TMX4: variants seen among roughly 807,000 people sequenced by gnomAD.
TMX4 encodes the protein thioredoxin-related transmembrane protein 4.
Under a neutral mutation model 33.3 loss-of-function variants are expected in TMX4, and 23 were observed. That is an observed-to-expected ratio of 0.69 (90% confidence interval 0.50 to 0.98). TMX4 has a LOEUF of 0.98. Among genes scored for constraint, TMX4 ranks in the 50% least tolerant of loss-of-function variants. The pLI is 0.00. For synonymous variants in TMX4, 164 were observed against 161.5 expected (o/e 1.02, Z -0.12); for missense variants, 399 against 448.9 (o/e 0.89, Z 1.01).
At chr20:8,010,172 T>G (rs978621698) in intron 2 of TMX4, 28 bp downstream of exon 2, 7 of 1,576,398 alleles carry the variant, frequency 4.4e-6, no homozygotes, top group Non-Finnish European at 6.1e-6. Context: ...GGTAAACTTT[T>G]GCATTTTATG....
At chr20:8,011,010 C>T (rs940966693) in intron 1 of TMX4, among the ~76,000 whole-genome samples, 7 of 152,016 alleles carry the variant, frequency 4.6e-5, no homozygotes, top group African/African-American at 1.4e-4. Context: ...TCCTTGTGGA[C>T]GGTACAATCC....
chr20:7,989,158 A>C (rs2050643431), intron 5 of TMX4, among the ~76,000 whole-genome samples: 1 of 152,204 alleles, frequency 6.6e-6, no homozygotes, highest in African/African-American at 2.4e-5. Flanking sequence ...CTACTTTAGA[A>C]AATACTGTGT....
At chr20:7,984,714 TC>T (rs1421649770) in intron 6 of TMX4, among the ~76,000 whole-genome samples, 1 of 152,182 alleles carries the variant, frequency 6.6e-6, no homozygotes, top group Non-Finnish European at 1.5e-5. Flanking sequence ...AGTATAATGA[TC>T]AAATCAGTGT....
intron 6 of TMX4, 25 bp from the exon 7 acceptor site, chr20:7,983,882 A>G: frequency 6.3e-7 from 1 of 1,592,194 alleles, no homozygotes; most frequent in Non-Finnish European, 8.6e-7. Flanking sequence ...GTGATTTTAC[A>G]GTGAATAGAT....
In TMX4 at chr20:7,985,277, ATTTTTT is replaced by A. The variant is rs1214396295; in HGVS notation, c.616-1426_616-1421del. On this transcript the variant is annotated intron_variant, in intron 6 of 7. Coordinates refer to ENST00000246024, the MANE Select transcript of TMX4 (RefSeq NM_021156.4). ...TGTGTGTATATATATATATATATAT[ATTTTTT>A]TTTTTTTTGAGACAGGGTCTAGCTC... Among the ~76,000 whole-genome samples, 16 of 110,534 alleles carry A rather than the reference ATTTTTT, an allele frequency of 1.4e-4. No individual in the cohort carries two copies. The East Asian group carries it at 1.6e-3, about 11-fold the overall frequency. The allele number at this position is 110,534 out of a possible 152,430, so 72.5% of individuals were successfully genotyped here.
chr20:7,983,705 C>A (rs763339871), intron 7 of TMX4, 89 bp downstream of exon 7: 18 of 983,702 alleles, frequency 1.8e-5, no homozygotes, highest in Non-Finnish European at 2.3e-5. Flanking sequence ...TAGTAAATCA[C>A]AGAGAAAACC....
At chr20:8,007,996 A>G (rs1397118637) in intron 2 of TMX4, among the ~76,000 whole-genome samples, 1 of 152,236 alleles carries the variant, frequency 6.6e-6, no homozygotes, top group African/African-American at 2.4e-5. Flanking sequence ...TCACCTTTGT[A>G]TCACTGGTAT....
rs1356516478 is a variant in TMX4, at chr20:7,977,535, T to C, written c.*4716A>G. On this transcript the variant is annotated 3_prime_UTR_variant, in exon 8 of 8. Transcript: ENST00000246024. ...ATGAAACAAATAGGATCAGGGATTA[T>C]ATACAATACTGTGATCAAGTGATTT... 2 of 152,232 alleles carry C rather than the reference T, an allele frequency of 1.3e-5. No individual in the cohort carries two copies. Among genetic ancestry groups the C allele is most frequent in the East Asian group, 3.8e-4 (2 of 5,198 alleles). The allele number at this position is 152,232 out of a possible 1,614,324, so 9.4% of individuals were successfully genotyped here.
At position 8,008,414 on chromosome 20, in the gene TMX4, T is replaced by C. The variant is rs184978081; in HGVS notation, c.292+1786A>G. ...AGATATACATAAAACCAAGTCAACA[T>C]TGAATGTATTAAAAATATTTCTTAA... On this transcript the variant is annotated intron_variant, in intron 2 of 7. Coordinates refer to ENST00000246024, the MANE Select transcript of TMX4 (RefSeq NM_021156.4). Among the ~76,000 whole-genome samples the C allele has an allele frequency of 4.4e-3, 670 of 152,238 alleles. 7 individuals are homozygous for C. Among genetic ancestry groups the C allele is most frequent in the African/African-American group, 0.014 (594 of 41,564 alleles).
intron 2 of TMX4, among the ~76,000 whole-genome samples, chr20:8,009,384 C>G (rs1243864635): frequency 6.6e-6 from 1 of 152,052 alleles, no homozygotes; most frequent in Non-Finnish European, 1.5e-5. Context: ...TCTGGAACCA[C>G]AGTGAAATAT....
Position 8,009,183 on chromosome 20 carries a change from T to TGAA in TMX4, c.292+1016_292+1017insTTC, listed in dbSNP as rs560905005. Among the ~76,000 whole-genome samples the TGAA allele has an allele frequency of 9.8e-5, 15 of 152,292 alleles. 1 individual carries two copies. The South Asian group carries it at 2.9e-3, about 29-fold the overall frequency. ...ATTTAGATTATAAAAGGCCATCTTTTCTTCTCAGTTTATATATAATATACA... is the reference window on the plus strand; with the variant it reads ...ATTTAGATTATAAAAGGCCATCTTTTGAACTTCTCAGTTTATATATAATATACA... On this transcript the variant is annotated intron_variant, in intron 2 of 7. Transcript: ENST00000246024.
chr20:7,992,918 A>G (rs2050661087), intron 5 of TMX4, among the ~76,000 whole-genome samples: 1 of 152,240 alleles, frequency 6.6e-6, no homozygotes, highest in Non-Finnish European at 1.5e-5. Flanking sequence ...TAGAAGTTAT[A>G]GAAAAAACGT....
intron 2 of TMX4, among the ~76,000 whole-genome samples, 163 bp downstream of exon 2, chr20:8,010,037 G>A (rs1379503276): frequency 1.3e-5 from 2 of 151,810 alleles, no homozygotes; most frequent in African/African-American, 4.8e-5. Context: ...ACACATACAC[G>A]TAAAGACAGA....
Position 7,982,765 on chromosome 20 carries a change from T to C in TMX4, c.680-144A>G, listed in dbSNP as rs2050614389. 6 of 943,634 alleles carry C rather than the reference T, an allele frequency of 6.4e-6. No homozygotes were observed. The South Asian group carries it at 1.0e-4, about 16-fold the overall frequency. 58.5% of individuals were successfully genotyped at this position (943,634 alleles called of 1,614,324 possible). A position where few individuals can be genotyped will look rare whatever the true frequency, so the allele number is the denominator to read the frequency against. On this transcript the variant is annotated intron_variant, in intron 7 of 7. Coordinates refer to ENST00000246024, the MANE Select transcript of TMX4 (RefSeq NM_021156.4). Reference sequence around the variant, plus strand: ...AACTATGGTCATATAGGACAGATTCTCTGGTTGGCATCCTAGCCCCATTTA... The same window carrying C: ...AACTATGGTCATATAGGACAGATTCCCTGGTTGGCATCCTAGCCCCATTTA...
At chr20:7,986,526 T>A (rs1380816657) in intron 6 of TMX4, among the ~76,000 whole-genome samples, 1 of 152,208 alleles carries the variant, frequency 6.6e-6, no homozygotes, top group Non-Finnish European at 1.5e-5. Flanking sequence ...TTATAGTGTT[T>A]AGGAACTATG....
chr20:7,987,082 T>A (rs1011344659), intron 6 of TMX4, among the ~76,000 whole-genome samples: 1 of 151,700 alleles, frequency 6.6e-6, no homozygotes, highest in East Asian at 1.9e-4. Flanking sequence ...ACTTAAGGGA[T>A]AGGATTAGGG....
intron 4 of TMX4, among the ~76,000 whole-genome samples, chr20:7,997,331 C>T (rs1186066910): frequency 1.3e-5 from 2 of 152,048 alleles, no homozygotes; most frequent in African/African-American, 4.8e-5. Flanking sequence ...CCACCCAAAT[C>T]GTATGTTCAA....
At chr20:8,011,996 T>C (rs1238346990) in intron 1 of TMX4, among the ~76,000 whole-genome samples, 1 of 152,162 alleles carries the variant, frequency 6.6e-6, no homozygotes, top group Non-Finnish European at 1.5e-5. Context: ...AACAAGTGTA[T>C]CAACTTTAAT....
At chr20:8,009,859 T>C (rs1334916996) in intron 2 of TMX4, among the ~76,000 whole-genome samples, 1 of 72,886 alleles carries the variant, frequency 1.4e-5, no homozygotes, top group African/African-American at 8.3e-5. Context: ...GTCAAAAAAC[T>C]GTAAAAAAAA....
Sources: allele counts gnomAD v4.1 joint callset (sites outside exome capture counted in the v4.1 genomes callset), GRCh38; gene constraint gnomAD v4.1.1; transcripts MANE v1.5; gene names NCBI Gene and HGNC (gene_info 2026-07-23, HGNC 2026-07-21).